Variants in RSPH14 observed in about 807,000 individuals in gnomAD.
RSPH14 encodes rhabdoid tumor deletion region gene 1.
A neutral mutation model predicts 26.7 loss-of-function variants in RSPH14; 20 were observed. The ratio of observed to expected loss-of-function variants is 0.75; its 90% CI spans 0.53 to 1.09. The LOEUF is 1.09. Ranked by LOEUF, RSPH14 falls within the 50% of genes least tolerant of loss-of-function variation. The pLI is 0.00. For missense variants in RSPH14, 449 were observed against 457.2 expected, an observed-to-expected ratio of 0.98 and a Z score of 0.16; for synonymous variants, 177 against 189.3, an observed-to-expected ratio of 0.93 and a Z score of 0.53.
At chr22:23,090,383 G>C (rs749716024) in intron 4 of RSPH14, among the ~76,000 whole-genome samples, 1 of 152,066 alleles carries the variant, frequency 6.6e-6, no homozygotes, top group Non-Finnish European at 1.5e-5. Flanking sequence ...ACTTCCCCCA[G>C]CCCTCACCTG....
At chr22:23,099,794 C>T (rs561170882) in intron 4 of RSPH14, among the ~76,000 whole-genome samples, 1 of 152,206 alleles carries the variant, frequency 6.6e-6, no homozygotes, top group African/African-American at 2.4e-5. Flanking sequence ...GAAGCTGGCA[C>T]CTACCAGCCC....
chr22:23,065,918 C>G (rs866609276), intron 4 of RSPH14, among the ~76,000 whole-genome samples: 1 of 152,172 alleles, frequency 6.6e-6, no homozygotes, highest in East Asian at 1.9e-4. Flanking sequence ...CCACCCCTCC[C>G]GAGGCCTGAT....
intron 4 of RSPH14, among the ~76,000 whole-genome samples, chr22:23,106,496 G>T (rs1436928085): frequency 6.6e-6 from 1 of 151,852 alleles, no homozygotes; most frequent in African/African-American, 2.4e-5. Context: ...GTGGCCCAGG[G>T]TAGTCATGTG....
upstream of RSPH14, among the ~76,000 whole-genome samples, chr22:23,149,014 T>C (rs2070956533): frequency 6.6e-6 from 1 of 152,236 alleles, no homozygotes; most frequent in African/African-American, 2.4e-5. Context: ...GATAAGTTTC[T>C]GTAACTTGCC....
the RSPH14 span, among the ~76,000 whole-genome samples, chr22:23,178,224 G>T: frequency 6.6e-6 from 1 of 152,162 alleles, no homozygotes; most frequent in Admixed American, 6.5e-5. Flanking sequence ...AGACCAGCCT[G>T]GCCAACACAG....
upstream of RSPH14, chr22:23,145,052 G>A (rs1268367778): frequency 1.2e-5 from 5 of 423,850 alleles, no homozygotes; most frequent in South Asian, 1.8e-4. Flanking sequence ...ACTAAGGTCA[G>A]TAGATGGTAG....
At position 23,135,364 on chromosome 22, in the gene RSPH14, C is replaced by T. The variant is rs914103798; in HGVS notation, c.303-1220G>A. Among the ~76,000 whole-genome samples the T allele has an allele frequency of 2.4e-4, 35 of 148,114 alleles. No homozygotes were observed. In the East Asian group the frequency reaches 5.9e-3, roughly 25 times the overall value. On this transcript the variant is annotated intron_variant, in intron 3 of 6. Transcript: ENST00000216036. ...AAAATTAGCTGGGTGTGGTGGCGGG[C>T]GCCTGTAGTCCCAGCTACTTTGGAG...
the RSPH14 span, chr22:23,159,207 G>C: frequency 6.2e-7 from 1 of 1,609,102 alleles, no homozygotes; most frequent in Non-Finnish European, 8.5e-7. Context: ...CTGTGCACCT[G>C]GCCAGGGAGA....
intron 4 of RSPH14, chr22:23,123,547 C>T (rs2070092045): frequency 1.5e-6 from 1 of 654,342 alleles, no homozygotes; most frequent in African/African-American, 1.8e-5. Flanking sequence ...AGAATGTCCC[C>T]CACCCCTTGG....
intron 4 of RSPH14, among the ~76,000 whole-genome samples, chr22:23,130,743 G>A (rs1055614762): frequency 1.3e-5 from 2 of 152,234 alleles, no homozygotes; most frequent in African/African-American, 4.8e-5. Context: ...CTCTCCAGAG[G>A]CACTGGGCAG....
chr22:23,066,565 C>T (rs928549096), intron 4 of RSPH14, among the ~76,000 whole-genome samples: 2 of 151,984 alleles, frequency 1.3e-5, no homozygotes, highest in Admixed American at 6.5e-5. Context: ...AAAAATAAAA[C>T]GCGTGCCGGG....
chr22:23,125,835 A>G (rs910626624), intron 4 of RSPH14, among the ~76,000 whole-genome samples: 4 of 152,192 alleles, frequency 2.6e-5, no homozygotes, highest in Admixed American at 2.6e-4. Context: ...GGAAGCCTAC[A>G]GGGAGCAGCA....
upstream of RSPH14, among the ~76,000 whole-genome samples, chr22:23,144,801 G>A (rs914655241): frequency 3.3e-5 from 5 of 152,148 alleles, no homozygotes; most frequent in African/African-American, 1.2e-4. Flanking sequence ...ATGCAGAAAA[G>A]TTAAGGAGCT....
the RSPH14 span, among the ~76,000 whole-genome samples, chr22:23,153,830 G>A: frequency 9.9e-3 from 1,497 of 151,054 alleles, 29 homozygotes; most frequent in African/African-American, 0.034. Context: ...GACAACAGCT[G>A]TGTGCCCCCA....
chr22:23,145,317 G>C (rs1192648625), upstream of RSPH14: 1 of 1,570,838 alleles, frequency 6.4e-7, no homozygotes, highest in African/African-American at 1.3e-5. Flanking sequence ...GTGTCCAGGA[G>C]TCTCTCTGCT....
At chr22:23,162,877 C>G in the RSPH14 span, 1 of 377,476 alleles carries the variant, frequency 2.6e-6, no homozygotes, top group South Asian at 1.9e-5. Flanking sequence ...ATTCATTCCC[C>G]CTTCAACATA....
upstream of RSPH14, among the ~76,000 whole-genome samples, chr22:23,142,324 A>G (rs917971446): frequency 4.7e-5 from 7 of 148,000 alleles, no homozygotes; most frequent in East Asian, 2.0e-4. Flanking sequence ...GTTTCTCCCA[A>G]TTTTTTTTTT....
intron 3 of RSPH14, among the ~76,000 whole-genome samples, chr22:23,135,099 A>G (rs1342359209): frequency 9.2e-5 from 14 of 152,072 alleles, no homozygotes; most frequent in Admixed American, 9.2e-4. Context: ...TGAGCCTAGG[A>G]GTTTAAGGCT....
At chr22:23,166,171 AAAAAAAG>A in the RSPH14 span, among the ~76,000 whole-genome samples, 3 of 148,850 alleles carry the variant, frequency 2.0e-5, no homozygotes, top group Admixed American at 6.7e-5. Flanking sequence ...AAAAAAAAAA[AAAAAAAG>A]GAGTGTTTCC....
Sources: allele counts gnomAD v4.1 joint callset (sites outside exome capture counted in the v4.1 genomes callset), GRCh38; gene constraint gnomAD v4.1.1; transcripts MANE v1.5; gene names NCBI Gene and HGNC (gene_info 2026-07-23, HGNC 2026-07-21).